Variants in AP5Z1 observed in about 807,000 individuals in gnomAD.
The protein encoded by AP5Z1 is AP-5 complex subunit zeta-1.
Under a neutral mutation model 83.0 loss-of-function variants are expected in AP5Z1, and 106 were observed. That is an observed-to-expected ratio of 1.28 (90% CI 1.09 to 1.50). The LOEUF is 1.50. Ranked by LOEUF, AP5Z1 falls within the 40% of genes most tolerant of loss-of-function variation. The pLI, the probability that AP5Z1 is intolerant of heterozygous loss-of-function variation, is 0.00. For missense variants in AP5Z1, 1,565 were observed against 1,094.2 expected (o/e 1.43, Z -6.07); for synonymous variants, 751 against 514.1 (o/e 1.46, Z -6.23).
rs376960561 is a variant in AP5Z1 at position 4,787,926 on chromosome 7, C to A, written c.1454+150C>A. ...CCAGTCCTCCCCTGCAAAGCCACCT[C>A]TAGGACAGGGTGTGTCTGTCACCCT... On this transcript the variant is annotated intron_variant, in intron 11 of 16. Transcript: ENST00000649063. 1.0e-4 allele frequency: 126 copies of A among 1,202,042 alleles called. 2 individuals carry two copies. The South Asian group carries it at 1.6e-3, about 16-fold the overall frequency. 74.5% of individuals were successfully genotyped at this position (1,202,042 alleles called of 1,614,324 possible).
chr7:4,784,640 G>A (rs1281790127), intron 6 of AP5Z1, among the ~76,000 whole-genome samples: 1 of 152,160 alleles, frequency 6.6e-6, no homozygotes, highest in East Asian at 1.9e-4. Flanking sequence ...CCCACTTAAG[G>A]CAGGCACCCT....
chr7:4,789,076 G>C (rs1024287679), intron 13 of AP5Z1, 125 bp downstream of exon 13: 3 of 833,090 alleles, frequency 3.6e-6, no homozygotes, highest in African/African-American at 1.7e-5. Context: ...CACCATCCAC[G>C]GTCCCTGTGA....
chr7:4,782,753 T>C (rs2079000100), intron 3 of AP5Z1, among the ~76,000 whole-genome samples: 1 of 151,436 alleles, frequency 6.6e-6, no homozygotes, highest in Non-Finnish European at 1.5e-5. Context: ...CTCTTCTTGT[T>C]TGTTTCACCC....
chr7:4,785,589 G>C lies in AP5Z1; in HGVS notation c.1037G>C (p.Ser346Thr), dbSNP rs1160242747. The stretch of plus-strand genomic sequence containing the variant: ...CAGGACCCGTCCTTCCTGTACCGAA[G>C]TCTCTCCTGCCTGAAGGCCCTGCAC... ...CRQDPSFLYR[S>T]LSCLKALHGR... The change falls in exon 9 of 17, where the codon AGT (serine) becomes ACT (threonine). Residue 346 changes from serine (S) to threonine (T), a missense_variant. Physicochemically the swap from Ser to Thr is moderately conservative, Grantham distance 58. Coordinates refer to ENST00000649063, the MANE Select transcript of AP5Z1 (RefSeq NM_014855.3). 6 of 1,603,474 alleles carry C rather than the reference G, an allele frequency of 3.7e-6. No individual in the cohort carries two copies. The highest frequency in any genetic ancestry group is 5.1e-6 in the Non-Finnish European group (6 of 1,176,496).
chr7:4,789,990 T>TCC, intron 14 of AP5Z1, 61 bp downstream of exon 14: 2 of 733,580 alleles, frequency 2.7e-6, no homozygotes, highest in Non-Finnish European at 3.4e-6. Context: ...CTCCTCCCCC[T>TCC]CTCCCCTCCC....
chr7:4,790,411 G>A (rs776706293), intron 14 of AP5Z1, 48 bp from the exon 15 acceptor site: 1 of 1,611,970 alleles, frequency 6.2e-7, no homozygotes, highest in Admixed American at 1.7e-5. Context: ...GATGGGGATG[G>A]GGTCATAGGT....
rs1781884464 is a variant in AP5Z1, at chr7:4,794,341, T to A, written c.*2956T>A. On this transcript the variant is annotated 3_prime_UTR_variant, in exon 17 of 17. Transcript: ENST00000649063. ...CAGTGACAACCCACTCGGGTCCCCTTCCACACCGGGATGCTTTGTTTGTTC... is the reference window on the plus strand; with the variant it reads ...CAGTGACAACCCACTCGGGTCCCCTACCACACCGGGATGCTTTGTTTGTTC... 6.6e-6 allele frequency: 1 copy of A among 152,346 alleles called. No individual in the cohort carries two copies. The highest frequency in any genetic ancestry group is 2.4e-5 in the African/African-American group (1 of 41,444). The allele number at this position is 152,346 out of a possible 1,614,324, so 9.4% of individuals were successfully genotyped here. A position where few individuals can be genotyped will look rare whatever the true frequency, so the allele number is the denominator to read the frequency against.
chr7:4,789,596 G>A (rs1233319212), intron 13 of AP5Z1, among the ~76,000 whole-genome samples: 3 of 152,224 alleles, frequency 2.0e-5, no homozygotes, highest in Non-Finnish European at 2.9e-5. Flanking sequence ...GTTGGCAGAG[G>A]AGCCGTGGAA....
chr7:4,788,801 G>T (rs752100748), intron 12 of AP5Z1, 39 bp from the exon 13 acceptor site: 3 of 1,521,710 alleles, frequency 2.0e-6, no homozygotes, highest in Admixed American at 3.9e-5. Context: ...TCACCAGGTC[G>T]GGGAGCGGGC....
In AP5Z1 at chr7:4,781,649, C is replaced by A; in HGVS notation, c.261C>A (p.Ala87=). Residue 87 remains alanine (A), a synonymous_variant, in exon 3 of 17, where the codon GCC becomes GCA. Coordinates refer to ENST00000649063, the MANE Select transcript of AP5Z1 (RefSeq NM_014855.3). Reference sequence around the variant, plus strand: ...CCGAGCAGCTCCAGGTGCTTTGCGCCGCCATCCTGCGAGAGATGTCCCCCT... The same window carrying A: ...CCGAGCAGCTCCAGGTGCTTTGCGCAGCCATCCTGCGAGAGATGTCCCCCT... ...ACPEQLQVLC[A]AILREMSPSD... The A allele has an allele frequency of 6.2e-7, 1 of 1,606,108 alleles. No individual in the cohort carries two copies. The highest frequency in any genetic ancestry group is 8.5e-7 in the Non-Finnish European group (1 of 1,174,360).
intron 1 of AP5Z1, among the ~76,000 whole-genome samples, chr7:4,779,361 C>T (rs1438066937): frequency 8.6e-5 from 12 of 139,838 alleles, no homozygotes; most frequent in African/African-American, 3.2e-4. Context: ...TGTTATATAT[C>T]ATAACGTGTT....
intron 16 of AP5Z1, 73 bp from the exon 17 acceptor site, chr7:4,791,042 C>T (rs1781751190): frequency 4.7e-6 from 7 of 1,485,890 alleles, no homozygotes; most frequent in South Asian, 1.3e-5. Flanking sequence ...CGCTTCAGGC[C>T]TGGCCCCTCC....
chr7:4,784,150 C>T (rs769367454), intron 5 of AP5Z1, 53 bp from the exon 6 acceptor site: 545 of 1,523,152 alleles, frequency 3.6e-4, no homozygotes, highest in Non-Finnish European at 4.6e-4. Context: ...TAAAGGCTGG[C>T]GTTTTTCCCG....
chr7:4,781,825 A>G (rs1361469423), intron 3 of AP5Z1, 71 bp downstream of exon 3: 15 of 1,442,362 alleles, frequency 1.0e-5, no homozygotes, highest in Non-Finnish European at 1.4e-5. Context: ...GACAGGAAGC[A>G]GGGGCGCCAG....
chr7:4,786,538 G>A, intron 10 of AP5Z1, 110 bp downstream of exon 10: 1 of 1,271,330 alleles, frequency 7.9e-7, no homozygotes, highest in East Asian at 2.3e-5. Context: ...ATAGAGCCCT[G>A]TGAGTCCCGG....
At chr7:4,781,102 C>T (rs1350891692) in intron 1 of AP5Z1, 73 bp from the exon 2 acceptor site, 3 of 1,564,944 alleles carry the variant, frequency 1.9e-6, no homozygotes, top group Non-Finnish European at 2.6e-6. Context: ...ATTTTCCCTG[C>T]TCCAAGGGTT....
In AP5Z1 at chr7:4,793,111, G is replaced by A. The variant is rs1399495475; in HGVS notation, c.*1726G>A. ...CGGCTTAGGACTGGGAGTGTGACTT[G>A]AAGGGCCGTCCCGCTCATCCAAGGG... On this transcript the variant is annotated 3_prime_UTR_variant, in exon 17 of 17. Transcript: ENST00000649063. 1.3e-5 allele frequency: 2 copies of A among 152,360 alleles called. No individual in the cohort carries two copies. Among genetic ancestry groups the A allele is most frequent in the Non-Finnish European group, 2.9e-5 (2 of 68,132 alleles). The allele number at this position is 152,360 out of a possible 1,614,324, so 9.4% of individuals were successfully genotyped here.
chr7:4,781,897 G>C (rs1781393059), intron 3 of AP5Z1, 143 bp downstream of exon 3: 2 of 1,026,698 alleles, frequency 1.9e-6, no homozygotes, highest in South Asian at 2.1e-5. Flanking sequence ...CACACTTGAG[G>C]CTGGGGCATG....
At chr7:4,779,413 G>GATTATTATATATCATATATAAC (rs1562403001) in intron 1 of AP5Z1, among the ~76,000 whole-genome samples, 2 of 137,332 alleles carry the variant, frequency 1.5e-5, no homozygotes, top group African/African-American at 6.2e-5. Context: ...TATATAACAT[G>GATTATTATATATCATATATAAC]ATAACATATA....
Sources: gnomAD v4.1 joint callset for allele counts (sites outside exome capture counted in the v4.1 genomes callset) on GRCh38, gnomAD v4.1.1 for gene constraint, MANE v1.5 for transcripts, NCBI Gene and HGNC (gene_info 2026-07-23, HGNC 2026-07-21) for gene names.